Variants in MYLK observed in about 807,000 individuals in gnomAD.
MYLK encodes the protein myosin light chain kinase, smooth muscle.
A neutral mutation model predicts 203.4 loss-of-function variants in MYLK; 106 were observed. The ratio of observed to expected loss-of-function variants is 0.52; its 90% CI spans 0.45 to 0.61. The LOEUF (loss-of-function observed/expected upper bound fraction) is 0.61. Among genes scored for constraint, MYLK ranks in the 20% least tolerant of loss-of-function variants. MYLK has a pLI of 0.00. For missense variants in MYLK, 2,072 were observed against 2,442.3 expected (o/e 0.85, Z 3.20); for synonymous variants, 867 against 959.5 (o/e 0.90, Z 1.78).
At chr3:123,788,925 G>A (rs547827103) in intron 4 of MYLK, among the ~76,000 whole-genome samples, 1 of 152,226 alleles carries the variant, frequency 6.6e-6, no homozygotes, top group South Asian at 2.1e-4. Flanking sequence ...GCACAGCCAG[G>A]GCTTGTCACC....
At chr3:123,666,471 A>C (rs2059738905) in intron 21 of MYLK, 125 bp from the exon 22 acceptor site, 5 of 1,329,720 alleles carry the variant, frequency 3.8e-6, no homozygotes, top group Non-Finnish European at 5.2e-6. Context: ...TCAGGGTAAG[A>C]CTGAGGGGCA....
chr3:123,739,868 C>T, intron 6 of MYLK, 85 bp downstream of exon 6: 1 of 1,455,538 alleles, frequency 6.9e-7, no homozygotes, highest in Non-Finnish European at 9.6e-7. Context: ...CTAGGAGAGC[C>T]AAGACTTACT....
chr3:123,740,823 C>T (rs762693002), intron 5 of MYLK, among the ~76,000 whole-genome samples: 12 of 152,232 alleles, frequency 7.9e-5, no homozygotes, highest in African/African-American at 1.4e-4. Context: ...TCCTACTGGG[C>T]GCTGCTGATC....
At chr3:123,856,929 T>A (rs370452171) in intron 2 of MYLK, among the ~76,000 whole-genome samples, 1 of 151,828 alleles carries the variant, frequency 6.6e-6, no homozygotes, top group East Asian at 1.9e-4. Context: ...GAATCTACAA[T>A]GAACTCAAAC....
At chr3:123,621,226 C>A (rs2057837744) in intron 31 of MYLK, 1 of 152,166 alleles carries the variant, frequency 6.6e-6, no homozygotes. Context: ...TCTTATCTTT[C>A]AGTAAGTTTT....
intron 2 of MYLK, among the ~76,000 whole-genome samples, chr3:123,833,951 GA>G: frequency 6.6e-6 from 1 of 152,166 alleles, no homozygotes; most frequent in Non-Finnish European, 1.5e-5. Context: ...AACAACACTG[GA>G]AAATTGTCCA....
At position 123,638,289 on chromosome 3, in the gene MYLK, G is replaced by A. The variant is rs1023546145; in HGVS notation, c.4838-95C>T. On this transcript the variant is annotated intron_variant, in intron 28 of 33. Coordinates refer to ENST00000360304, the MANE Select transcript of MYLK (RefSeq NM_053025.4). ...GAATCTGTGTGTTGACCCCAACCTG[G>A]GAGGGGCCAGACACAGGCTTTGGCA... 47 of 1,560,346 alleles carry A rather than the reference G, an allele frequency of 3.0e-5. No homozygotes were observed. In the African/African-American group the frequency reaches 4.7e-4, roughly 15 times the overall value.
rs2305631 is a variant in MYLK, at chr3:123,692,675, G to C, written c.3565+60C>G. On this transcript the variant is annotated intron_variant, in intron 19 of 33. Transcript: ENST00000360304. ...GACAGGCAAGGTATGGTAAGGAAGGGAGGGGCTGAGAAATGGGACCCCTGT... is the reference window on the plus strand; with the variant it reads ...GACAGGCAAGGTATGGTAAGGAAGGCAGGGGCTGAGAAATGGGACCCCTGT... 48,322 of 1,295,914 alleles carry C rather than the reference G, an allele frequency of 0.037. 5,481 individuals are homozygous for C. The East Asian group carries it at 0.42, about 11-fold the overall frequency. The allele number at this position is 1,295,914 out of a possible 1,614,324, so 80.3% of individuals were successfully genotyped here. A position where few individuals can be genotyped will look rare whatever the true frequency, so the allele number is the denominator to read the frequency against.
At chr3:123,635,178 CA>C (rs943856080) in intron 29 of MYLK, among the ~76,000 whole-genome samples, 4 of 152,236 alleles carry the variant, frequency 2.6e-5, no homozygotes, top group African/African-American at 9.6e-5. Flanking sequence ...GTCGCCCTGA[CA>C]GGGACTGCCC....
intron 4 of MYLK, among the ~76,000 whole-genome samples, chr3:123,774,638 C>T (rs1256726553): frequency 6.6e-6 from 1 of 152,130 alleles, no homozygotes; most frequent in Non-Finnish European, 1.5e-5. Context: ...GGCAAGGCTT[C>T]CTAGTCTTTT....
intron 3 of MYLK, among the ~76,000 whole-genome samples, chr3:123,824,121 C>T (rs1468912749): frequency 1.3e-5 from 2 of 150,786 alleles, no homozygotes; most frequent in East Asian, 3.9e-4. Flanking sequence ...CGGAGTTTCA[C>T]TCTTGTCCCC....
chr3:123,745,069 T>C (rs1171672368), intron 5 of MYLK, among the ~76,000 whole-genome samples: 1 of 152,186 alleles, frequency 6.6e-6, no homozygotes, highest in African/African-American at 2.4e-5. Flanking sequence ...TTTTGGAGGA[T>C]AGCTTCATTC....
At chr3:123,766,471 G>C (rs1336620466) in intron 4 of MYLK, among the ~76,000 whole-genome samples, 2 of 152,254 alleles carry the variant, frequency 1.3e-5, no homozygotes, top group African/African-American at 2.4e-5. Context: ...TGTGAGTTGA[G>C]CAAGAAGGGA....
chr3:123,663,975 G>T, intron 23 of MYLK, 130 bp downstream of exon 23: 1 of 1,343,766 alleles, frequency 7.4e-7, no homozygotes, highest in Non-Finnish European at 1.1e-6. Context: ...TTTCTGTGGT[G>T]CCTTATAAAT....
At position 123,664,114 on chromosome 3, in the gene MYLK, T is replaced by C. The variant is rs915146541; in HGVS notation, c.3976A>G (p.Thr1326Ala). The change falls in exon 23 of 34, where the codon ACT becomes GCT. Residue 1326 changes from threonine to alanine, a missense_variant. Thr to Ala is a moderately conservative substitution (Grantham distance 58). This residue lies in a region of MYLK where 524 missense variants were observed against 782.4 expected (regional missense o/e 0.67). Coordinates refer to ENST00000360304, the MANE Select transcript of MYLK (RefSeq NM_053025.4). ...LGSRQAQVNL[T>A]VVDKPDPPAG... Reference sequence around the variant, plus strand: ...CAGCCACCAGACTCACCCACGACAGTGAGGTTGACCTGGGCCTGCCTGCTG... The same window carrying C: ...CAGCCACCAGACTCACCCACGACAGCGAGGTTGACCTGGGCCTGCCTGCTG... The C allele has an allele frequency of 5.0e-6, 8 of 1,613,440 alleles. No individual in the cohort carries two copies. The highest frequency in any genetic ancestry group is 6.8e-6 in the Non-Finnish European group (8 of 1,179,560).
At position 123,692,276 on chromosome 3, in the gene MYLK, G is replaced by A. The variant is rs368552406; in HGVS notation, c.3565+459C>T. 45 of 1,092,100 alleles carry A rather than the reference G, an allele frequency of 4.1e-5. 1 individual carries two copies. The highest frequency in any genetic ancestry group is 3.9e-4 in the East Asian group (6 of 15,438). 67.7% of individuals were successfully genotyped at this position (1,092,100 alleles called of 1,614,324 possible). Reference sequence around the variant, plus strand: ...CCTCTCTGTCCAGAGACTCAGCCCCGACTCACCTCCTCTAGGAAGTCTCCC... The same window carrying A: ...CCTCTCTGTCCAGAGACTCAGCCCCAACTCACCTCCTCTAGGAAGTCTCCC... On this transcript the variant is annotated intron_variant, in intron 19 of 33. Coordinates refer to ENST00000360304, the MANE Select transcript of MYLK (RefSeq NM_053025.4).
At chr3:123,834,048 GT>G (rs1225635503) in intron 2 of MYLK, among the ~76,000 whole-genome samples, 1 of 152,144 alleles carries the variant, frequency 6.6e-6, no homozygotes, top group Admixed American at 6.5e-5. Context: ...TTGTTTGTTT[GT>G]TTTTTGTTTC....
At chr3:123,701,969 C>T (rs139597436) in intron 16 of MYLK, among the ~76,000 whole-genome samples, 5 of 152,322 alleles carry the variant, frequency 3.3e-5, no homozygotes, top group Middle Eastern at 3.4e-3. Context: ...GTTCCTTTCC[C>T]TCTCTTGCTC....
chr3:123,743,718 T>C (rs1350025796), intron 5 of MYLK, among the ~76,000 whole-genome samples: 1 of 152,110 alleles, frequency 6.6e-6, no homozygotes, highest in African/African-American at 2.4e-5. Context: ...GGTCTTAGGA[T>C]TGGAAAGTTC....
Sources: gnomAD v4.1 joint callset for allele counts (sites outside exome capture counted in the v4.1 genomes callset) on GRCh38, gnomAD v4.1.1 for gene constraint, gnomAD v4.1.1 regional missense constraint, MANE v1.5 for transcripts, NCBI Gene and HGNC (gene_info 2026-07-23, HGNC 2026-07-21) for gene names.